The following ZNF688 variants were observed in gnomAD, a reference collection of about 807,000 sequenced individuals.
ZNF688 encodes the protein zinc finger protein 688.
A neutral mutation model predicts 13.2 loss-of-function variants in ZNF688; 10 were observed. The ratio of observed to expected loss-of-function variants is 0.76; its 90% CI spans 0.47 to 1.28. The LOEUF is 1.28. Ranked by LOEUF, ZNF688 falls within the 50% of genes most tolerant of loss-of-function variation. ZNF688 has a pLI of 0.00. For missense variants in ZNF688, 381 were observed against 391.4 expected, an observed-to-expected ratio of 0.97 and a Z score of 0.22; for synonymous variants, 160 against 159.4, an observed-to-expected ratio of 1.00 and a Z score of -0.03.
upstream of ZNF688, chr16:30,572,096 A>G: frequency 6.5e-7 from 1 of 1,535,418 alleles, no homozygotes; most frequent in Non-Finnish European, 8.8e-7. Flanking sequence ...TTCAAGAAAG[A>G]TGTAAGGGCC....
rs765124342 is a variant in ZNF688, at chr16:30,570,111, G to A, written c.636C>T (p.Pro212=). 15 of 1,611,400 alleles carry A rather than the reference G, an allele frequency of 9.3e-6. No individual in the cohort carries two copies. Among genetic ancestry groups the A allele is most frequent in the Admixed American group, 5.0e-5 (3 of 59,846 alleles). Residue 212 remains proline, a synonymous_variant, in exon 3 of 3, where the codon CCC becomes CCT. Coordinates refer to ENST00000223459, the MANE Select transcript of ZNF688 (RefSeq NM_145271.4). ...RRMHSGERPF[P]CPECGMRFKR... is the part of the protein sequence containing the mutation. ...TGAAGCGCATGCCACACTCGGGGCA[G>A]GGGAAAGGCCGCTCCCCCGAGTGCA...
chr16:30,569,786 A>G lies in ZNF688; in HGVS notation c.*130T>C, dbSNP rs899613540. 5.9e-6 allele frequency: 7 copies of G among 1,192,792 alleles called. No individual in the cohort carries two copies. In the African/African-American group the frequency reaches 9.6e-5, roughly 16 times the overall value. 73.9% of individuals were successfully genotyped at this position (1,192,792 alleles called of 1,614,324 possible). ...GCACTTTTCTTTTTACAAGTTGGAA[A>G]CTTGAGGGATCCTTGAGGAAAGCCC... On this transcript the variant is annotated 3_prime_UTR_variant, in exon 3 of 3. Transcript: ENST00000223459.
chr16:30,571,688 C>A lies in ZNF688; in HGVS notation c.-59G>T. Reference sequence around the variant, plus strand: ...TCCCTGGAGCCGCCGCCTCCCCGCTCCCGGCCTCAGCTGTCGTTGTCCACA... The same window carrying A: ...TCCCTGGAGCCGCCGCCTCCCCGCTACCGGCCTCAGCTGTCGTTGTCCACA... On this transcript the variant is annotated 5_prime_UTR_variant, in exon 1 of 3. Transcript: ENST00000223459. 7.3e-7 allele frequency: 1 copy of A among 1,361,858 alleles called. No homozygotes were observed. The allele number at this position is 1,361,858 out of a possible 1,614,324, so 84.4% of individuals were successfully genotyped here.
At chr16:30,571,878 C>A, upstream of ZNF688, 5 of 1,279,408 alleles carry the variant, frequency 3.9e-6, no homozygotes, top group Non-Finnish European at 4.9e-6. Flanking sequence ...GTTAAGGGAC[C>A]CGGAAGGTGC....
At position 30,569,927 on chromosome 16, in the gene ZNF688, C is replaced by A; in HGVS notation, c.820G>T (p.Glu274Ter). ...GCCTGCGGTGCCGCTCAGCCGCACT[C>A]CTCGAAGATGTCTGGGTAGTGCCGG... ...LFRHYPDIFE[E>*]CG Residue 274 changes from glutamate (E) to a stop codon, truncating the protein, a stop_gained, in exon 3 of 3, where the codon GAG (glutamate) becomes TAG (stop). Transcript: ENST00000223459. LOFTEE classifies it high-confidence loss of function. 6.4e-7 allele frequency: 1 copy of A among 1,552,408 alleles called. No individual in the cohort carries two copies. The highest frequency in any genetic ancestry group is 1.2e-5 in the South Asian group (1 of 82,220).
At chr16:30,579,676 G>A in the ZNF688 span, 101 of 413,860 alleles carry the variant, frequency 2.4e-4, no homozygotes, top group Non-Finnish European at 3.8e-4. Flanking sequence ...CACCGTGCCC[G>A]GCACCAGTTC....
rs777859930 is a variant in ZNF688 at position 30,571,046 on chromosome 16, G to C, written c.274C>G (p.Pro92Ala). ...CCTCCCAGTCTTTCCCCCTTCTCAG[G>C]ATCCTGGGCGGCGGGGCTCCAAGCC... ...SEAWSPAAQD[P>A]EKGERLGGAR... Residue 92 changes from proline (P) to alanine (A), a missense_variant, in exon 2 of 3, where the codon CCT becomes GCT. Transcript: ENST00000223459. 1 of 1,612,170 alleles carries C rather than the reference G, an allele frequency of 6.2e-7. No individual in the cohort carries two copies. Among genetic ancestry groups the C allele is most frequent in the South Asian group, 1.1e-5 (1 of 90,948 alleles).
At position 30,570,892 on chromosome 16, in the gene ZNF688, C is replaced by CTA. The variant is rs771210023; in HGVS notation, c.310+116_310+117dup. ...TACCAGGTCTGCCTTCTTTACTCCT[C>CTA]TAGTACCCAACACAGTTGAATTTCT... is the stretch of plus-strand genomic sequence containing the variant. On this transcript the variant is annotated intron_variant, in intron 2 of 2. Transcript: ENST00000223459. The CTA allele has an allele frequency of 8.0e-6, 9 of 1,119,768 alleles. No individual in the cohort carries two copies. The East Asian group carries it at 2.3e-4, about 29-fold the overall frequency. The allele number at this position is 1,119,768 out of a possible 1,614,324, so 69.4% of individuals were successfully genotyped here. A position where few individuals can be genotyped will look rare whatever the true frequency, so the allele number is the denominator to read the frequency against.
Position 30,571,508 on chromosome 16 carries a change from C to A in ZNF688, c.122G>T (p.Gly41Val). Reference protein sequence around the residue: ...VAVYFSPEEWGCLRPAQRALY... With the variant: ...VAVYFSPEEWVCLRPAQRALY... ...AGCCCTCTGCGCGGGCCGCAGACAG[C>A]CCCACTCCTCCGGGGAGAAGTACAC... The change falls in exon 1 of 3, where the codon GGC becomes GTC. Residue 41 changes from glycine (G) to valine (V), a missense_variant. Coordinates refer to ENST00000223459, the MANE Select transcript of ZNF688 (RefSeq NM_145271.4). The A allele has an allele frequency of 1.3e-6, 2 of 1,589,434 alleles. No homozygotes were observed. Among genetic ancestry groups the A allele is most frequent in the East Asian group, 2.3e-5 (1 of 43,496 alleles).
intron 2 of ZNF688, 127 bp from the exon 3 acceptor site, chr16:30,570,563 A>G (rs2051659104): frequency 3.3e-6 from 4 of 1,208,452 alleles, no homozygotes; most frequent in Non-Finnish European, 4.6e-6. Flanking sequence ...GCTTTAGAAC[A>G]AGGTAAACAG....
intron 2 of ZNF688, chr16:30,570,717 G>T: frequency 2.9e-6 from 1 of 343,460 alleles, no homozygotes. Context: ...CAGGAAGCAG[G>T]GGCTATTATT....
At chr16:30,579,618 G>A in the ZNF688 span, 2 of 346,342 alleles carry the variant, frequency 5.8e-6, no homozygotes, top group Non-Finnish European at 1.2e-5. Flanking sequence ...GACCTCAAGT[G>A]ATTAACCAGC....
chr16:30,572,060 G>C, upstream of ZNF688: 1 of 1,443,236 alleles, frequency 6.9e-7, no homozygotes, highest in Non-Finnish European at 9.2e-7. Context: ...CGGGGTGTCT[G>C]GGAAGTAGAG....
chr16:30,574,375 G>A (rs1211345850), upstream of ZNF688, among the ~76,000 whole-genome samples: 4 of 151,254 alleles, frequency 2.6e-5, no homozygotes, highest in African/African-American at 2.4e-5. Context: ...GCAAAACCCC[G>A]TCTGTACTAA....
At chr16:30,571,712 CAGGAAG>C in exon 1 of ZNF688, 1 of 1,348,714 alleles carries the variant, frequency 7.4e-7, no homozygotes, top group Non-Finnish European at 9.5e-7. Context: ...TCGTTGTCCA[CAGGAAG>C]GGCGGCCCCG....
Position 30,571,053 on chromosome 16 carries a change from G to A in ZNF688, c.267C>T (p.Ala89=), listed in dbSNP as rs770626878. ...EQESEAWSPA[A]QDPEKGERLG... ...GTCTTTCCCCCTTCTCAGGATCCTGGGCGGCGGGGCTCCAAGCCTCACTCT... is the reference window on the plus strand; with the variant it reads ...GTCTTTCCCCCTTCTCAGGATCCTGAGCGGCGGGGCTCCAAGCCTCACTCT... Residue 89 remains alanine, a synonymous_variant, in exon 2 of 3, where the codon GCC becomes GCT. Coordinates refer to ENST00000223459, the MANE Select transcript of ZNF688 (RefSeq NM_145271.4). The A allele has an allele frequency of 6.8e-6, 11 of 1,611,622 alleles. No individual in the cohort carries two copies. In the South Asian group the frequency reaches 1.2e-4, roughly 18 times the overall value.
upstream of ZNF688, among the ~76,000 whole-genome samples, chr16:30,576,377 A>G (rs1211311962): frequency 1.3e-5 from 2 of 152,168 alleles, no homozygotes; most frequent in Non-Finnish European, 2.9e-5. Flanking sequence ...ACGCCGGCTA[A>G]TTTTTTGTAT....
At chr16:30,573,094 CG>C (rs2051711686), upstream of ZNF688, among the ~76,000 whole-genome samples, 1 of 151,764 alleles carries the variant, frequency 6.6e-6, no homozygotes, top group South Asian at 2.1e-4. Flanking sequence ...TTAGTAGAGA[CG>C]GGGTTTCTCC....
chr16:30,570,214 G>T lies in ZNF688; in HGVS notation c.533C>A (p.Ala178Asp), dbSNP rs532790907. 2 of 1,612,812 alleles carry T rather than the reference G, an allele frequency of 1.2e-6. No individual in the cohort carries two copies. The highest frequency in any genetic ancestry group is 1.1e-5 in the South Asian group (1 of 91,022). Residue 178 changes from alanine (A) to aspartate (D), a missense_variant, in exon 3 of 3, where the codon GCC becomes GAC. Transcript: ENST00000223459. ...PAPIPSMDAQAGQRRHVCTDC... is the reference protein window; with the variant it reads ...PAPIPSMDAQDGQRRHVCTDC... The stretch of plus-strand genomic sequence containing the variant: ...CGTGCACACGTGGCGCCGCTGGCCG[G>T]CCTGAGCATCCATGCTGGGTATGGG...
Sources: allele counts gnomAD v4.1 joint callset (sites outside exome capture counted in the v4.1 genomes callset), GRCh38; gene constraint gnomAD v4.1.1; transcripts MANE v1.5; gene names NCBI Gene and HGNC (gene_info 2026-07-23, HGNC 2026-07-21).